RBFOX3: variants seen among roughly 807,000 people sequenced by gnomAD.
RBFOX3 encodes the protein RNA binding fox-1 homolog 3.
Under a neutral mutation model 48.7 loss-of-function variants are expected in RBFOX3, and 17 were observed. That is an observed-to-expected ratio of 0.35 (90% confidence interval 0.24 to 0.52). RBFOX3 has a LOEUF of 0.52. Ranked by LOEUF, RBFOX3 falls within the 20% of genes least tolerant of loss-of-function variation. RBFOX3 has a pLI of 0.94. For missense variants in RBFOX3, 382 were observed against 497.5 expected (o/e 0.77, Z 2.21); for synonymous variants, 212 against 209.5 (o/e 1.01, Z -0.10).
At chr17:79,468,259 G>T (rs754625697) in intron 2 of RBFOX3, among the ~76,000 whole-genome samples, 1 of 152,014 alleles carries the variant, frequency 6.6e-6, no homozygotes, top group Non-Finnish European at 1.5e-5. Flanking sequence ...AGGGGATGAC[G>T]CATGAATAAA....
intron 2 of RBFOX3, among the ~76,000 whole-genome samples, chr17:79,332,862 GAGAC>G (rs1425967792): frequency 1.3e-5 from 2 of 148,636 alleles, no homozygotes; most frequent in African/African-American, 5.0e-5. Context: ...GGGAGAGAGA[GAGAC>G]AGAAAAACAG....
chr17:79,662,275 A>G, the RBFOX3 span, among the ~76,000 whole-genome samples: 5 of 150,288 alleles, frequency 3.3e-5, no homozygotes, highest in South Asian at 1.1e-3. Context: ...GGCGCCCACC[A>G]CCACACCTGG....
chr17:79,498,908 A>ATCCATCCATC (rs2082002996), intron 1 of RBFOX3, among the ~76,000 whole-genome samples: 1 of 63,224 alleles, frequency 1.6e-5, no homozygotes, highest in Non-Finnish European at 3.2e-5. Context: ...ATCCATCCAT[A>ATCCATCCATC]TGGCTACCCA....
In RBFOX3 at chr17:79,111,096, G is replaced by A. The variant is rs1029462494; in HGVS notation, c.223-4308C>T. On this transcript the variant is annotated intron_variant, in intron 5 of 14. Coordinates refer to ENST00000693108, the MANE Select transcript of RBFOX3 (RefSeq NM_001350451.2). This position sits in a 1 kb window ranked among gnomAD's most constrained non-coding sequence, Gnocchi z 4.2. The stretch of plus-strand genomic sequence containing the variant: ...CAAATGGAAGATCAGGGCAAGTGCG[G>A]GAGTTTCCGAGGAGGCTCAGGCCCG... Among the ~76,000 whole-genome samples the A allele has an allele frequency of 6.6e-6, 1 of 152,244 alleles. No individual in the cohort carries two copies. The highest frequency in any genetic ancestry group is 2.4e-5 in the African/African-American group (1 of 41,474).
rs909017626 is a variant in RBFOX3 at position 79,592,484 on chromosome 17, G to A, written c.-320+18342C>T. 4.7e-4 allele frequency among the ~76,000 whole-genome samples: 71 copies of A among 152,130 alleles called. No individual in the cohort carries two copies. The East Asian group carries it at 0.012, about 25-fold the overall frequency. ...ATGTGTGTAGTGTGTGCATGTGTAC[G>A]TGCGTTTATGCAGTGTTATTGAACA... On this transcript the variant is annotated intron_variant, in intron 1 of 14. Transcript: ENST00000693108.
intron 4 of RBFOX3, among the ~76,000 whole-genome samples, chr17:79,183,032 A>C (rs991247987): frequency 6.8e-6 from 1 of 147,286 alleles, no homozygotes; most frequent in Non-Finnish European, 1.5e-5. Flanking sequence ...GCGACGCCCC[A>C]AACTCCGGCC....
intron 1 of RBFOX3, among the ~76,000 whole-genome samples, chr17:79,549,273 T>G (rs193005157): frequency 4.6e-4 from 70 of 152,356 alleles, no homozygotes; most frequent in Non-Finnish European, 8.8e-4. Context: ...GGGCTCAGCC[T>G]GCAGGTAGGA....
chr17:79,415,711 CG>C (rs1207549440), intron 2 of RBFOX3, among the ~76,000 whole-genome samples: 2 of 152,166 alleles, frequency 1.3e-5, no homozygotes, highest in African/African-American at 4.8e-5. Flanking sequence ...GGGGCTGGGG[CG>C]GAGTCGGCTC....
intron 2 of RBFOX3, among the ~76,000 whole-genome samples, chr17:79,354,506 A>G (rs2084587116): frequency 6.6e-6 from 1 of 152,284 alleles, no homozygotes; most frequent in Admixed American, 6.5e-5. Flanking sequence ...TCCATAGTTC[A>G]GCCCTTTCAG....
chr17:79,128,685 A>T (rs2037983691), intron 4 of RBFOX3, among the ~76,000 whole-genome samples: 1 of 152,200 alleles, frequency 6.6e-6, no homozygotes, highest in African/African-American at 2.4e-5. Flanking sequence ...CAGCAAGGTG[A>T]GAAGCCTGGG....
Position 79,392,630 on chromosome 17 carries a change from G to C in RBFOX3, c.-174-84806C>G, listed in dbSNP as rs766766962. Among the ~76,000 whole-genome samples, 2 of 152,188 alleles carry C rather than the reference G, an allele frequency of 1.3e-5. No individual in the cohort carries two copies. The highest frequency in any genetic ancestry group is 2.9e-5 in the Non-Finnish European group (2 of 68,038). The stretch of plus-strand genomic sequence containing the variant: ...GTGTCACTTCCAGCCGAAGTTTGCA[G>C]AACCAACAGTGTGTGCAGTACCACA... On this transcript the variant is annotated intron_variant, in intron 2 of 14. Transcript: ENST00000693108. This position sits in a 1 kb window ranked among gnomAD's most constrained non-coding sequence, Gnocchi z 5.0.
chr17:79,288,925 G>T (rs1011909097), intron 3 of RBFOX3, among the ~76,000 whole-genome samples: 1 of 152,210 alleles, frequency 6.6e-6, no homozygotes, highest in African/African-American at 2.4e-5. Context: ...CCTGGCTCCT[G>T]TTGGGGACAG....
At chr17:79,238,923 A>G (rs2061974554) in intron 3 of RBFOX3, among the ~76,000 whole-genome samples, 4 of 152,070 alleles carry the variant, frequency 2.6e-5, no homozygotes, top group Admixed American at 2.6e-4. Context: ...ACAGGGTCCA[A>G]TCTGTTTTCC....
At chr17:79,429,277 C>T (rs1199338065) in intron 2 of RBFOX3, among the ~76,000 whole-genome samples, 4 of 152,222 alleles carry the variant, frequency 2.6e-5, no homozygotes, top group Admixed American at 6.5e-5. Context: ...ACCACACACC[C>T]GCACAGAGCC....
chr17:79,530,171 G>C (rs1012490296), intron 1 of RBFOX3, among the ~76,000 whole-genome samples: 1 of 152,150 alleles, frequency 6.6e-6, no homozygotes, highest in South Asian at 2.1e-4. Flanking sequence ...AGTTTTCTTC[G>C]TTCTCACCCT....
chr17:79,441,080 A>C (rs971405052), intron 2 of RBFOX3, among the ~76,000 whole-genome samples: 39 of 152,238 alleles, frequency 2.6e-4, no homozygotes, highest in African/African-American at 8.9e-4. Context: ...TCAGGACCCC[A>C]GGAAAGGGCG....
intron 4 of RBFOX3, among the ~76,000 whole-genome samples, chr17:79,179,376 A>C (rs115783370): frequency 0.011 from 1,638 of 152,276 alleles, 25 homozygotes; most frequent in African/African-American, 0.037. Flanking sequence ...TCCTCCACGG[A>C]AGCTTCCGGT....
At chr17:79,489,801 T>C (rs1218287161) in intron 1 of RBFOX3, among the ~76,000 whole-genome samples, 2 of 152,194 alleles carry the variant, frequency 1.3e-5, no homozygotes, top group Non-Finnish European at 2.9e-5. Context: ...CTTTTCTGGT[T>C]AATCCCTCTC....
In RBFOX3 at chr17:79,299,955, A is replaced by G. The variant is rs951645080; in HGVS notation, c.-74+7769T>C. Among the ~76,000 whole-genome samples, 47 of 149,794 alleles carry G rather than the reference A, an allele frequency of 3.1e-4. No individual in the cohort carries two copies. Among genetic ancestry groups the G allele is most frequent in the African/African-American group, 1.1e-3 (45 of 40,502 alleles). The stretch of plus-strand genomic sequence containing the variant: ...TGTCTCGCTCTGTGGCCCAGGCTGG[A>G]GTGCAGTGGCATGATCTCGGCTCAC... On this transcript the variant is annotated intron_variant, in intron 3 of 14. Transcript: ENST00000693108. The surrounding 1 kb of genome is among the most constrained non-coding windows in gnomAD (Gnocchi z 4.5).
Sources: gnomAD v4.1 joint callset for allele counts (sites outside exome capture counted in the v4.1 genomes callset) on GRCh38, gnomAD v4.1.1 for gene constraint, Gnocchi (gnomAD v3.1) non-coding constraint, MANE v1.5 for transcripts, NCBI Gene and HGNC (gene_info 2026-07-23, HGNC 2026-07-21) for gene names.